The following GRB2 variants were observed in gnomAD, a reference collection of about 807,000 sequenced individuals.
GRB2 encodes the protein growth factor receptor bound protein 2, also known as growth factor receptor-bound protein 2.
A neutral mutation model predicts 27.4 loss-of-function variants in GRB2; 2 were observed. That is an observed-to-expected ratio of 0.07 (90% CI 0.03 to 0.23). The LOEUF (loss-of-function observed/expected upper bound fraction) is 0.23. GRB2 is among the 10% of genes least tolerant of loss of function. GRB2 has a pLI of 1.00. For missense variants in GRB2, 102 were observed against 282.4 expected, an observed-to-expected ratio of 0.36 and a Z score of 4.58; for synonymous variants, 94 against 99.6, an observed-to-expected ratio of 0.94 and a Z score of 0.33.
At chr17:75,323,723 T>C (rs2078476335) in intron 4 of GRB2, among the ~76,000 whole-genome samples, 1 of 152,156 alleles carries the variant, frequency 6.6e-6, no homozygotes, top group East Asian at 1.9e-4. Flanking sequence ...TTACTGCTTG[T>C]TCCCCTCATC....
intron 2 of GRB2, among the ~76,000 whole-genome samples, chr17:75,344,757 A>G (rs1207358621): frequency 1.3e-5 from 2 of 151,994 alleles, no homozygotes; most frequent in African/African-American, 2.4e-5. Context: ...TCATCCTTTC[A>G]CTAACAGAAG....
At chr17:75,404,743 T>A (rs2145881072) in intron 1 of GRB2, 1 of 152,252 alleles carries the variant, frequency 6.6e-6, no homozygotes, top group South Asian at 2.1e-4. Flanking sequence ...GAGACAGACC[T>A]CAAGTGCACT....
chr17:75,335,004 C>T (rs1241651999), intron 2 of GRB2, among the ~76,000 whole-genome samples: 1 of 151,820 alleles, frequency 6.6e-6, no homozygotes, highest in Non-Finnish European at 1.5e-5. Flanking sequence ...AGGCACTTGC[C>T]ATGTTGCCCA....
intron 2 of GRB2, among the ~76,000 whole-genome samples, chr17:75,353,139 C>T (rs1456565495): frequency 4.0e-5 from 6 of 148,280 alleles, no homozygotes; most frequent in Non-Finnish European, 6.0e-5. Flanking sequence ...GAGCCGAGAT[C>T]GCGCCACTGC....
intron 2 of GRB2, among the ~76,000 whole-genome samples, chr17:75,384,587 T>C (rs535566493): frequency 6.6e-6 from 1 of 152,216 alleles, no homozygotes; most frequent in African/African-American, 2.4e-5. Flanking sequence ...GGAGAATCGC[T>C]TGAACCCGGG....
At chr17:75,354,907 T>TA (rs1232326615) in intron 2 of GRB2, among the ~76,000 whole-genome samples, 1 of 152,232 alleles carries the variant, frequency 6.6e-6, no homozygotes, top group African/African-American at 2.4e-5. Flanking sequence ...TTCATGCTTG[T>TA]AATCTCAGCA....
At chr17:75,341,065 C>A (rs538885952) in intron 2 of GRB2, among the ~76,000 whole-genome samples, 28 of 152,246 alleles carry the variant, frequency 1.8e-4, no homozygotes, top group African/African-American at 6.7e-4. Context: ...CTTCGCCAAC[C>A]AGGCCAGGTG....
chr17:75,381,735 GA>G (rs72373494), intron 2 of GRB2, among the ~76,000 whole-genome samples: 1,525 of 120,652 alleles, frequency 0.013, 172 homozygotes, highest in Admixed American at 0.018. Context: ...AAAAAAAAAA[GA>G]AAAAAAAAAA....
At chr17:75,340,500 G>C (rs1157730970) in intron 2 of GRB2, among the ~76,000 whole-genome samples, 1 of 152,122 alleles carries the variant, frequency 6.6e-6, no homozygotes, top group African/African-American at 2.4e-5. Context: ...ATAATTTCAA[G>C]TTCCTAGAAA....
rs765477237 is a variant in GRB2, at chr17:75,320,570, G to A, written c.469-17C>T. ...TGTCGGCTGCTGCAAAACAGGAGCA[G>A]GAAAAACCCACATTGCATTCCTGGT... On this transcript the variant is annotated splice_polypyrimidine_tract_variant and intron_variant, in intron 5 of 5. Coordinates refer to ENST00000316804, the MANE Select transcript of GRB2 (RefSeq NM_002086.5). The surrounding 1 kb of genome is among the most constrained non-coding windows in gnomAD (Gnocchi z 4.3). The A allele has an allele frequency of 3.1e-6, 5 of 1,605,280 alleles. No individual in the cohort carries two copies. In the Admixed American group the frequency reaches 8.4e-5, roughly 27 times the overall value.
In GRB2 at chr17:75,319,626, G is replaced by A. The variant is rs551810336; in HGVS notation, c.*742C>T. ...CCCGGCTAATTTCTTATTTTTAGTA[G>A]AGACGGGGTTTCACCATGTTGGCTA... On this transcript the variant is annotated 3_prime_UTR_variant, in exon 6 of 6. Transcript: ENST00000316804. 19 of 152,300 alleles carry A rather than the reference G, an allele frequency of 1.2e-4. No homozygotes were observed. Among genetic ancestry groups the A allele is most frequent in the African/African-American group, 4.3e-4 (18 of 41,546 alleles). 9.4% of individuals were successfully genotyped at this position (152,300 alleles called of 1,614,324 possible).
At position 75,366,500 on chromosome 17, in the gene GRB2, C is replaced by CAAAA. The variant is rs34051020; in HGVS notation, c.78+27047_78+27050dup. ...AACACAGGAGTTTGAGATCAGCTTC[C>CAAAA]AAAAAAAAAAAAAAAACGGCCAGCT... On this transcript the variant is annotated intron_variant, in intron 2 of 5. Coordinates refer to ENST00000316804, the MANE Select transcript of GRB2 (RefSeq NM_002086.5). Among the ~76,000 whole-genome samples, 457 of 111,862 alleles carry CAAAA rather than the reference C, an allele frequency of 4.1e-3. 4 individuals carry two copies. The highest frequency in any genetic ancestry group is 0.017 in the African/African-American group (415 of 25,092). The allele number at this position is 111,862 out of a possible 152,430, so 73.4% of individuals were successfully genotyped here.
intron 2 of GRB2, among the ~76,000 whole-genome samples, chr17:75,337,882 A>G (rs1284325424): frequency 1.7e-5 from 2 of 118,942 alleles, no homozygotes; most frequent in African/African-American, 6.7e-5. Flanking sequence ...TACTACTACT[A>G]CTACTACTAC....
chr17:75,337,904 T>TACTACTACTAC (rs758924250), intron 2 of GRB2, among the ~76,000 whole-genome samples: 6,191 of 102,978 alleles, frequency 0.06, 243 homozygotes, highest in Non-Finnish European at 0.084. Flanking sequence ...ACTACTACTA[T>TACTACTACTAC]TATTATTATT....
rs1470654003 is a variant in GRB2 at position 75,322,639 on chromosome 17, A to G, written c.300-812T>C. Among the ~76,000 whole-genome samples, 5 of 152,138 alleles carry G rather than the reference A, an allele frequency of 3.3e-5. No homozygotes were observed. In the East Asian group the frequency reaches 9.6e-4, roughly 29 times the overall value. On this transcript the variant is annotated intron_variant, in intron 4 of 5. Coordinates refer to ENST00000316804, the MANE Select transcript of GRB2 (RefSeq NM_002086.5). ...ACAAAAGGACGTACTGGGACAATAA[A>G]AGAGGCCCAGACTTCAAAACCCAAA...
chr17:75,389,091 C>T (rs977635950), intron 2 of GRB2, among the ~76,000 whole-genome samples: 2 of 152,282 alleles, frequency 1.3e-5, no homozygotes, highest in Admixed American at 6.5e-5. Flanking sequence ...TTTATACACA[C>T]ACACACAATG....
At chr17:75,345,113 G>A (rs906956453) in intron 2 of GRB2, among the ~76,000 whole-genome samples, 1 of 151,838 alleles carries the variant, frequency 6.6e-6, no homozygotes, top group African/African-American at 2.4e-5. Context: ...GCGCAATCTC[G>A]GCTCACTGCA....
intron 2 of GRB2, among the ~76,000 whole-genome samples, chr17:75,337,393 AAAG>A (rs1169220343): frequency 6.6e-6 from 1 of 151,716 alleles, no homozygotes; most frequent in Non-Finnish European, 1.5e-5. Flanking sequence ...TAAAAAAAAA[AAAG>A]AAAGAAAAAG....
In GRB2 at chr17:75,322,102, G is replaced by A. The variant is rs2078464229; in HGVS notation, c.300-275C>T. 2.6e-5 allele frequency among the ~76,000 whole-genome samples: 4 copies of A among 152,154 alleles called. No individual in the cohort carries two copies. In the South Asian group the frequency reaches 6.2e-4, roughly 24 times the overall value. On this transcript the variant is annotated intron_variant, in intron 4 of 5. Coordinates refer to ENST00000316804, the MANE Select transcript of GRB2 (RefSeq NM_002086.5). The stretch of plus-strand genomic sequence containing the variant: ...AAGATAAAGAGTCCAGGCCGGGTGC[G>A]GTGGCTCACACCTGTAATCCCAACA...
Sources: allele counts gnomAD v4.1 joint callset (sites outside exome capture counted in the v4.1 genomes callset), GRCh38; gene constraint gnomAD v4.1.1; non-coding constraint Gnocchi (gnomAD v3.1); transcripts MANE v1.5; gene names NCBI Gene and HGNC (gene_info 2026-07-23, HGNC 2026-07-21).